The following DGLUCY variants were observed in gnomAD, a reference collection of about 807,000 sequenced individuals.
The protein encoded by DGLUCY is D-glutamate cyclase.
Under a neutral mutation model 58.5 loss-of-function variants are expected in DGLUCY, and 58 were observed. The ratio of observed to expected loss-of-function variants is 0.99; its 90% CI spans 0.80 to 1.23. DGLUCY has a LOEUF of 1.23. Among genes scored for constraint, DGLUCY ranks in the 50% most tolerant of loss-of-function variants. DGLUCY has a pLI of 0.00. For missense variants in DGLUCY, 779 were observed against 784.7 expected, an observed-to-expected ratio of 0.99 and a Z score of 0.09; for synonymous variants, 325 against 314.1, an observed-to-expected ratio of 1.03 and a Z score of -0.37.
At chr14:91,142,840 AACACACACACACACACACACAC>A (rs558892923) in intron 1 of DGLUCY, among the ~76,000 whole-genome samples, 5 of 124,302 alleles carry the variant, frequency 4.0e-5, no homozygotes, top group East Asian at 2.5e-4. Context: ...ATCTCTACTA[AACACACACACACACACACACAC>A]ACACACACAC....
rs1443392124 is a variant in DGLUCY at position 91,173,287 on chromosome 14, A to G, written c.457-2A>G. On this transcript the variant is annotated splice_acceptor_variant, in intron 5 of 13. Transcript: ENST00000256324. LOFTEE classifies it high-confidence loss of function. ...ACTTGATTTTTTTTTTTTTTTGGTCAGACAACAGTGCCTTGTGTTACCCAT... is the reference window on the plus strand; with the variant it reads ...ACTTGATTTTTTTTTTTTTTTGGTCGGACAACAGTGCCTTGTGTTACCCAT... The G allele has an allele frequency of 6.3e-7, 1 of 1,598,634 alleles. No homozygotes were observed. The highest frequency in any genetic ancestry group is 1.4e-5 in the African/African-American group (1 of 71,802).
At chr14:91,165,455 T>G (rs888628840) in intron 3 of DGLUCY, 3 of 341,936 alleles carry the variant, frequency 8.8e-6, no homozygotes, top group African/African-American at 6.5e-5. Context: ...CCAGGTGTGT[T>G]TACCACCAAA....
At chr14:91,094,779 C>T (rs1420410433) in intron 1 of DGLUCY, among the ~76,000 whole-genome samples, 1 of 150,562 alleles carries the variant, frequency 6.6e-6, no homozygotes, top group African/African-American at 2.4e-5. Flanking sequence ...GCCAAGATCT[C>T]GCCATTGCAC....
intron 1 of DGLUCY, among the ~76,000 whole-genome samples, chr14:91,148,243 C>T (rs1262013984): frequency 6.6e-6 from 1 of 151,686 alleles, no homozygotes; most frequent in African/African-American, 2.4e-5. Flanking sequence ...CTCTCTCCAT[C>T]ACCCAGGCTG....
intron 6 of DGLUCY, among the ~76,000 whole-genome samples, chr14:91,174,475 T>G (rs944132796): frequency 1.1e-4 from 16 of 151,936 alleles, no homozygotes; most frequent in African/African-American, 3.6e-4. Context: ...CCAGCTAATT[T>G]TTGTATTTTT....
Position 91,181,334 on chromosome 14 carries a change from A to G in DGLUCY, c.879A>G (p.Ser293=), listed in dbSNP as rs532551435. The G allele has an allele frequency of 1.8e-4, 292 of 1,614,186 alleles. 1 individual carries two copies. The South Asian group carries it at 3.0e-3, about 17-fold the overall frequency. Residue 293 remains serine, a synonymous_variant, in exon 8 of 14, where the codon TCA becomes TCG. Transcript: ENST00000256324. ...ATCCTCTGCACTACAGCATCGCGTC[A>G]GTCTCTGCTTCTCAGAAGATCAGAG... ...SQDPLHYSIA[S]VSASQKIREL...
At chr14:91,153,936 C>T (rs2047467049) in intron 1 of DGLUCY, among the ~76,000 whole-genome samples, 1 of 152,144 alleles carries the variant, frequency 6.6e-6, no homozygotes, top group South Asian at 2.1e-4. Flanking sequence ...GACAGGGTCT[C>T]ACTCTGTCAC....
At position 91,179,844 on chromosome 14, in the gene DGLUCY, AT is replaced by A. The variant is rs548812935; in HGVS notation, c.731-1330del. Among the ~76,000 whole-genome samples the A allele has an allele frequency of 8.4e-3, 826 of 98,680 alleles. 7 individuals are homozygous for A. Among genetic ancestry groups the A allele is most frequent in the African/African-American group, 0.025 (677 of 26,920 alleles). 64.7% of individuals were successfully genotyped at this position (98,680 alleles called of 152,430 possible). On this transcript the variant is annotated intron_variant, in intron 7 of 13. Transcript: ENST00000256324. The stretch of plus-strand genomic sequence containing the variant: ...TTGCTGAACACTTTCTTAAAAATTT[AT>A]TTTTTTTTTTTACATTTTTAAACCA...
At chr14:91,096,546 T>C (rs1169789767) in intron 1 of DGLUCY, among the ~76,000 whole-genome samples, 1 of 152,192 alleles carries the variant, frequency 6.6e-6, no homozygotes, top group Non-Finnish European at 1.5e-5. Context: ...TTTGTACAGC[T>C]ATACAGGTTG....
rs34785372 is a variant in DGLUCY at position 91,160,417 on chromosome 14, TAAAAAAAAA to T, written c.103+36_103+44del. 33 of 579,444 alleles carry T rather than the reference TAAAAAAAAA, an allele frequency of 5.7e-5. No homozygotes were observed. Among genetic ancestry groups the T allele is most frequent in the Admixed American group, 1.4e-4 (3 of 21,092 alleles). 35.9% of individuals were successfully genotyped at this position (579,444 alleles called of 1,614,324 possible). Reference sequence around the variant, plus strand: ...CTGGAGGTAAGTGGTGCCAGATAGTTAAAAAAAAAAAAAAAAAAAAAAAAGAAAGTTCCT... The same window carrying T: ...CTGGAGGTAAGTGGTGCCAGATAGTTAAAAAAAAAAAAAAAGAAAGTTCCT... On this transcript the variant is annotated intron_variant, in intron 3 of 13. Coordinates refer to ENST00000256324, the MANE Select transcript of DGLUCY (RefSeq NM_001102368.3).
chr14:91,142,840 A>ACACAC (rs2046785072), intron 1 of DGLUCY, among the ~76,000 whole-genome samples: 55 of 124,302 alleles, frequency 4.4e-4, no homozygotes, highest in African/African-American at 1.5e-3. Context: ...ATCTCTACTA[A>ACACAC]ACACACACAC....
chr14:91,203,410 A>G (rs933476361), intron 11 of DGLUCY, among the ~76,000 whole-genome samples: 14 of 152,230 alleles, frequency 9.2e-5, no homozygotes, highest in African/African-American at 2.9e-4. Context: ...CGCATCTTCC[A>G]AGCCTTTATA....
chr14:91,180,073 A>G (rs2049083248), intron 7 of DGLUCY, among the ~76,000 whole-genome samples: 1 of 150,914 alleles, frequency 6.6e-6, no homozygotes, highest in Admixed American at 6.6e-5. Context: ...TATTTTTAAT[A>G]GAGACAGGGT....
At chr14:91,203,251 AG>A (rs1447743280) in intron 11 of DGLUCY, among the ~76,000 whole-genome samples, 1 of 152,224 alleles carries the variant, frequency 6.6e-6, no homozygotes, top group Non-Finnish European at 1.5e-5. Context: ...GATCTAGAGA[AG>A]TGTTCTGAGA....
chr14:91,189,195 C>A, intron 9 of DGLUCY, 25 bp downstream of exon 9: 1 of 1,611,978 alleles, frequency 6.2e-7, no homozygotes, highest in Non-Finnish European at 8.5e-7. Context: ...GGGCTTGGTC[C>A]ATTTCCCCAA....
rs1275617880 is a variant in DGLUCY, at chr14:91,181,400, A to T, written c.934+11A>T. 1.9e-5 allele frequency: 30 copies of T among 1,610,110 alleles called. No individual in the cohort carries two copies. Among genetic ancestry groups the T allele is most frequent in the Non-Finnish European group, 2.5e-5 (29 of 1,178,224 alleles). On this transcript the variant is annotated intron_variant, in intron 8 of 13. Transcript: ENST00000256324. The stretch of plus-strand genomic sequence containing the variant: ...TCGGCATAGACCCAGGTAAGAAACA[A>T]CACATTTGCTCGGCATAGACCCAGG...
At chr14:91,220,589 T>C (rs763643300) in intron 13 of DGLUCY, 30 of 456,206 alleles carry the variant, frequency 6.6e-5, no homozygotes, top group Non-Finnish European at 1.2e-4. Context: ...TGTGGCGTCA[T>C]GTGGGACTGT....
At chr14:91,188,501 C>A (rs976609786) in intron 8 of DGLUCY, among the ~76,000 whole-genome samples, 2 of 152,170 alleles carry the variant, frequency 1.3e-5, no homozygotes, top group African/African-American at 4.8e-5. Flanking sequence ...AAAACCCAAA[C>A]TACTCTTACT....
At chr14:91,104,864 T>A (rs548069200), upstream of DGLUCY, among the ~76,000 whole-genome samples, 11 of 152,362 alleles carry the variant, frequency 7.2e-5, no homozygotes, top group South Asian at 2.3e-3. Context: ...TCCTTTGTGA[T>A]CTGGCAGCCT....
Sources: allele counts gnomAD v4.1 joint callset (sites outside exome capture counted in the v4.1 genomes callset), GRCh38; gene constraint gnomAD v4.1.1; transcripts MANE v1.5; gene names NCBI Gene and HGNC (gene_info 2026-07-23, HGNC 2026-07-21).